Variants in SGPL1 observed in about 807,000 individuals in gnomAD.
SGPL1 encodes the protein SP-lyase 1.
Under a neutral mutation model 68.9 loss-of-function variants are expected in SGPL1, and 37 were observed. The observed-to-expected ratio is 0.54, with a 90% confidence interval of 0.41 to 0.71. The LOEUF (loss-of-function observed/expected upper bound fraction) is 0.71. Ranked by LOEUF, SGPL1 falls within the 30% of genes least tolerant of loss-of-function variation. SGPL1 has a pLI of 0.00. For synonymous variants in SGPL1, 236 were observed against 248.5 expected (o/e 0.95, Z 0.47); for missense variants, 551 against 704.6 (o/e 0.78, Z 2.47).
intron 11 of SGPL1, among the ~76,000 whole-genome samples, 170 bp downstream of exon 11, chr10:70,872,156 G>T (rs1435904295): frequency 6.6e-6 from 1 of 152,216 alleles, no homozygotes; most frequent in Admixed American, 6.5e-5. Context: ...AGGTGATGGG[G>T]TATAGTGGTA....
intron 5 of SGPL1, 111 bp downstream of exon 5, chr10:70,854,966 A>C: frequency 1.1e-6 from 1 of 889,808 alleles, no homozygotes; most frequent in Non-Finnish European, 1.6e-6. Flanking sequence ...ATACATGTTT[A>C]GGAGGGCCTA....
chr10:70,858,620 C>T (rs1846001041), intron 6 of SGPL1, among the ~76,000 whole-genome samples: 1 of 152,178 alleles, frequency 6.6e-6, no homozygotes, highest in African/African-American at 2.4e-5. Flanking sequence ...TCAGTAGCTT[C>T]CCATTATCTA....
At chr10:70,828,786 G>A (rs979659720) in intron 2 of SGPL1, among the ~76,000 whole-genome samples, 1 of 152,110 alleles carries the variant, frequency 6.6e-6, no homozygotes, top group Non-Finnish European at 1.5e-5. Context: ...GTTTTTTGGA[G>A]GCTTTCACTG....
chr10:70,825,193 T>TGCCA (rs1845411570), intron 2 of SGPL1, among the ~76,000 whole-genome samples: 2 of 152,124 alleles, frequency 1.3e-5, no homozygotes, highest in Admixed American at 6.5e-5. Context: ...CCTGTAGGAA[T>TGCCA]GCCAGCCAGT....
At chr10:70,860,356 G>A (rs770708952) in intron 7 of SGPL1, 3 of 463,124 alleles carry the variant, frequency 6.5e-6, no homozygotes, top group South Asian at 1.6e-5. Context: ...GGGCCCATTC[G>A]AAGAGCACCT....
intron 3 of SGPL1, among the ~76,000 whole-genome samples, chr10:70,847,447 C>G (rs1378815091): frequency 6.6e-6 from 1 of 152,180 alleles, no homozygotes; most frequent in East Asian, 1.9e-4. Flanking sequence ...CCATGCCCAG[C>G]TGAGTTATTT....
At position 70,877,303 on chromosome 10, in the gene SGPL1, A is replaced by G; in HGVS notation, c.1675A>G (p.Ser559Gly). Residue 559 changes from serine (S) to glycine (G), a missense_variant, in exon 15 of 15, where the codon AGC becomes GGC. Physicochemically the swap from Ser to Gly is moderately conservative, Grantham distance 56 (BLOSUM62 0). Transcript: ENST00000373202. ...CAGCACCGACACTGTCACCCAGGGC[A>G]GCCAGATGAATGGTTCTCCAAAACC... is the stretch of plus-strand genomic sequence containing the variant. ...LYSTDTVTQG[S>G]QMNGSPKPH 1 of 1,614,208 alleles carries G rather than the reference A, an allele frequency of 6.2e-7. No homozygotes were observed. The highest frequency in any genetic ancestry group is 1.3e-5 in the African/African-American group (1 of 75,062).
intron 2 of SGPL1, among the ~76,000 whole-genome samples, chr10:70,841,682 G>A (rs1845716395): frequency 6.6e-6 from 1 of 152,024 alleles, no homozygotes; most frequent in African/African-American, 2.4e-5. Flanking sequence ...AATTTTTGGG[G>A]GATGTAAACA....
At chr10:70,869,969 G>A (rs1001353363) in intron 9 of SGPL1, 72 bp downstream of exon 9, 57 of 1,239,766 alleles carry the variant, frequency 4.6e-5, no homozygotes, top group Middle Eastern at 2.6e-4. Flanking sequence ...TTGACTAGCC[G>A]TTTCCAGTCA....
At position 70,879,857 on chromosome 10, in the gene SGPL1, A is replaced by G. The variant is rs923363650; in HGVS notation, c.*2522A>G. 15 of 152,658 alleles carry G rather than the reference A, an allele frequency of 9.8e-5. No individual in the cohort carries two copies. The highest frequency in any genetic ancestry group is 3.4e-4 in the African/African-American group (14 of 41,448). The allele number at this position is 152,658 out of a possible 1,614,324, so 9.5% of individuals were successfully genotyped here. A position where few individuals can be genotyped will look rare whatever the true frequency, so the allele number is the denominator to read the frequency against. On this transcript the variant is annotated 3_prime_UTR_variant, in exon 15 of 15. Transcript: ENST00000373202. ...GAGGTGGGTAGAGACACTTAATAGTATCATGTCGCATGCAGATGTCACATC... is the reference window on the plus strand; with the variant it reads ...GAGGTGGGTAGAGACACTTAATAGTGTCATGTCGCATGCAGATGTCACATC...
intron 7 of SGPL1, among the ~76,000 whole-genome samples, chr10:70,861,387 G>C (rs1195401597): frequency 6.6e-6 from 1 of 152,176 alleles, no homozygotes; most frequent in East Asian, 1.9e-4. Context: ...CAATAGCAAC[G>C]ATGGCTGGGG....
At position 70,879,660 on chromosome 10, in the gene SGPL1, C is replaced by G. The variant is rs1035442717; in HGVS notation, c.*2325C>G. 2 of 152,342 alleles carry G rather than the reference C, an allele frequency of 1.3e-5. No individual in the cohort carries two copies. The highest frequency in any genetic ancestry group is 4.8e-5 in the African/African-American group (2 of 41,442). The allele number at this position is 152,342 out of a possible 1,614,324, so 9.4% of individuals were successfully genotyped here. A position where few individuals can be genotyped will look rare whatever the true frequency, so the allele number is the denominator to read the frequency against. On this transcript the variant is annotated 3_prime_UTR_variant, in exon 15 of 15. Coordinates refer to ENST00000373202, the MANE Select transcript of SGPL1 (RefSeq NM_003901.4). Reference sequence around the variant, plus strand: ...CCCCAGAACCAGACCCCGAGCCACTCGCTTCCTCTGTGCTGTGACAACATT... The same window carrying G: ...CCCCAGAACCAGACCCCGAGCCACTGGCTTCCTCTGTGCTGTGACAACATT...
At chr10:70,827,617 G>T (rs1473603744) in intron 2 of SGPL1, among the ~76,000 whole-genome samples, 1 of 152,068 alleles carries the variant, frequency 6.6e-6, no homozygotes, top group Non-Finnish European at 1.5e-5. Context: ...ATGTATCAGC[G>T]ATTTGTTCTG....
intron 2 of SGPL1, among the ~76,000 whole-genome samples, chr10:70,817,498 G>T (rs967651401): frequency 2.0e-5 from 3 of 152,104 alleles, no homozygotes; most frequent in Non-Finnish European, 4.4e-5. Context: ...CTATTTACAG[G>T]CATAATCATA....
intron 3 of SGPL1, among the ~76,000 whole-genome samples, chr10:70,850,041 G>C (rs1845853788): frequency 1.3e-5 from 2 of 152,204 alleles, no homozygotes; most frequent in South Asian, 4.1e-4. Context: ...GAGATACATT[G>C]ATTGTGAATG....
intron 1 of SGPL1, 79 bp downstream of exon 1, chr10:70,816,205 C>T (rs1241669979): frequency 2.3e-5 from 2 of 88,246 alleles, no homozygotes; most frequent in East Asian, 8.0e-4. Context: ...GGACAGGGGC[C>T]GGGTGGGCCG....
intron 2 of SGPL1, chr10:70,820,174 T>C (rs1188569412): frequency 1.3e-5 from 2 of 152,212 alleles, no homozygotes; most frequent in African/African-American, 4.8e-5. Flanking sequence ...TTGGTATCCT[T>C]CTTTTACAGA....
chr10:70,845,908 G>C (rs1845785453), intron 3 of SGPL1, among the ~76,000 whole-genome samples: 6 of 152,052 alleles, frequency 3.9e-5, no homozygotes, highest in Admixed American at 2.6e-4. Flanking sequence ...TGTTTAAAAG[G>C]GCTCTTTAAT....
intron 2 of SGPL1, among the ~76,000 whole-genome samples, chr10:70,823,244 A>G (rs1845373790): frequency 6.6e-6 from 1 of 151,238 alleles, no homozygotes; most frequent in African/African-American, 2.4e-5. Context: ...AGTACAAAAT[A>G]TTCCCTGTAG....
Sources: gnomAD v4.1 joint callset for allele counts (sites outside exome capture counted in the v4.1 genomes callset) on GRCh38, gnomAD v4.1.1 for gene constraint, MANE v1.5 for transcripts, NCBI Gene and HGNC (gene_info 2026-07-23, HGNC 2026-07-21) for gene names.